TTBK2: variants seen among roughly 807,000 people sequenced by gnomAD.
TTBK2 encodes tau-tubulin kinase 2.
Under a neutral mutation model 110.8 loss-of-function variants are expected in TTBK2, and 28 were observed. The observed-to-expected ratio is 0.25, with a 90% CI of 0.19 to 0.35. TTBK2 has a LOEUF of 0.35. Ranked by LOEUF, TTBK2 falls within the 10% of genes least tolerant of loss-of-function variation. The pLI, the probability that TTBK2 is intolerant of heterozygous loss-of-function variation, is 1.00. For synonymous variants in TTBK2, 532 were observed against 527.3 expected (o/e 1.01, Z -0.12); for missense variants, 1,369 against 1,500.3 (o/e 0.91, Z 1.45).
chr15:42,815,419 TAAAGA>T (rs1356200043), intron 7 of TTBK2, among the ~76,000 whole-genome samples: 1 of 152,120 alleles, frequency 6.6e-6, no homozygotes, highest in Non-Finnish European at 1.5e-5. Flanking sequence ...AGGAACAAGG[TAAAGA>T]AAAGAATCAA....
chr15:42,875,632 C>G (rs148100429), intron 2 of TTBK2, among the ~76,000 whole-genome samples: 4 of 152,034 alleles, frequency 2.6e-5, no homozygotes, highest in African/African-American at 9.7e-5. Flanking sequence ...TCTGGCCAGG[C>G]ACAGTGGCTC....
chr15:42,774,826 C>G (rs1467449232), intron 13 of TTBK2, among the ~76,000 whole-genome samples: 1 of 152,196 alleles, frequency 6.6e-6, no homozygotes, highest in African/African-American at 2.4e-5. Context: ...TTGCTAGGAA[C>G]TTCAAAAAAT....
chr15:42,830,785 C>G (rs1177997715), intron 4 of TTBK2, among the ~76,000 whole-genome samples: 1 of 152,006 alleles, frequency 6.6e-6, no homozygotes, highest in Non-Finnish European at 1.5e-5. Context: ...GTGGGCGGAT[C>G]ATGAGGTCAG....
intron 9 of TTBK2, among the ~76,000 whole-genome samples, chr15:42,807,426 A>G (rs770634143): frequency 2.0e-5 from 3 of 151,572 alleles, no homozygotes; most frequent in Non-Finnish European, 4.4e-5. Context: ...TATTATTATT[A>G]TTTTTGAGAT....
At chr15:42,879,321 T>A (rs1039036417) in intron 1 of TTBK2, among the ~76,000 whole-genome samples, 1 of 152,154 alleles carries the variant, frequency 6.6e-6, no homozygotes, top group Non-Finnish European at 1.5e-5. Context: ...GATACATTGT[T>A]TAGTGAAAAA....
intron 5 of TTBK2, 85 bp downstream of exon 5, chr15:42,829,853 A>T: frequency 1.3e-6 from 2 of 1,566,274 alleles, no homozygotes; most frequent in African/African-American, 2.7e-5. Flanking sequence ...CAAATACACA[A>T]AGCTACATTT....
intron 4 of TTBK2, among the ~76,000 whole-genome samples, chr15:42,839,735 T>A: frequency 6.6e-6 from 1 of 152,186 alleles, no homozygotes; most frequent in African/African-American, 2.4e-5. Context: ...TTTTTGGCCA[T>A]ATATATGTCT....
chr15:42,913,152 A>AGT (rs2030882139), intron 1 of TTBK2, among the ~76,000 whole-genome samples: 1 of 151,266 alleles, frequency 6.6e-6, no homozygotes, highest in Non-Finnish European at 1.5e-5. Context: ...AAAAAAAAAA[A>AGT]AAAGAGCTCC....
At chr15:42,836,973 G>A (rs1185379332) in intron 4 of TTBK2, among the ~76,000 whole-genome samples, 3 of 152,064 alleles carry the variant, frequency 2.0e-5, no homozygotes, top group African/African-American at 4.8e-5. Flanking sequence ...CAAATAAGAT[G>A]ATAAATCCAG....
chr15:42,868,009 T>G (rs771368105), intron 3 of TTBK2, among the ~76,000 whole-genome samples: 1 of 152,192 alleles, frequency 6.6e-6, no homozygotes, highest in East Asian at 1.9e-4. Flanking sequence ...GAAACTTAAG[T>G]GCATATTACT....
chr15:42,826,026 A>G (rs1892522621), intron 6 of TTBK2, among the ~76,000 whole-genome samples: 1 of 152,128 alleles, frequency 6.6e-6, no homozygotes, highest in African/African-American at 2.4e-5. Context: ...ATATATATAT[A>G]TATAGCAAGA....
At chr15:42,836,914 A>G (rs1418692533) in intron 4 of TTBK2, among the ~76,000 whole-genome samples, 1 of 152,166 alleles carries the variant, frequency 6.6e-6, no homozygotes, top group East Asian at 1.9e-4. Flanking sequence ...CCATGTACAA[A>G]AGAGGGATAA....
At chr15:42,909,135 T>C (rs773387229) in intron 1 of TTBK2, among the ~76,000 whole-genome samples, 3 of 152,244 alleles carry the variant, frequency 2.0e-5, no homozygotes, top group Non-Finnish European at 4.4e-5. Context: ...TGCTTTGTTT[T>C]GTTTTTTAAG....
intron 1 of TTBK2, among the ~76,000 whole-genome samples, chr15:42,884,042 C>T (rs980796385): frequency 1.3e-5 from 2 of 151,940 alleles, no homozygotes; most frequent in African/African-American, 4.8e-5. Context: ...AGATACAGAA[C>T]CATGGAAGAG....
At position 42,788,243 on chromosome 15, in the gene TTBK2, G is replaced by C. The variant is rs577982283; in HGVS notation, c.981-4608C>G. Among the ~76,000 whole-genome samples, 109 of 152,194 alleles carry C rather than the reference G, an allele frequency of 7.2e-4. 2 individuals carry two copies. In the South Asian group the frequency reaches 0.023, roughly 32 times the overall value. On this transcript the variant is annotated intron_variant, in intron 10 of 14. Coordinates refer to ENST00000267890, the MANE Select transcript of TTBK2 (RefSeq NM_173500.4). The stretch of plus-strand genomic sequence containing the variant: ...TTTGTTGGTAATTTCTAGTTTTCTT[G>C]CAGTGTGATCAGATAATGTAATACT...
intron 3 of TTBK2, 24 bp downstream of exon 3, chr15:42,872,587 T>C (rs1265464278): frequency 4.3e-6 from 7 of 1,612,026 alleles, no homozygotes; most frequent in Non-Finnish European, 5.1e-6. Flanking sequence ...AAATCATAAA[T>C]TGTATATTCT....
In TTBK2 at chr15:42,740,397, G is replaced by A. The variant is rs905131318; in HGVS notation, c.*5398C>T. ...TCTTGAGATTGTGTGGAAATTCAAG[G>A]TGACCTGATCTTGTCACATACTTTA... On this transcript the variant is annotated 3_prime_UTR_variant, in exon 15 of 15. Coordinates refer to ENST00000267890, the MANE Select transcript of TTBK2 (RefSeq NM_173500.4). 1 of 152,148 alleles carries A rather than the reference G, an allele frequency of 6.6e-6. No homozygotes were observed. The highest frequency in any genetic ancestry group is 1.5e-5 in the Non-Finnish European group (1 of 68,032). The allele number at this position is 152,148 out of a possible 1,614,324, so 9.4% of individuals were successfully genotyped here.
chr15:42,865,738 A>G (rs545460080), intron 3 of TTBK2, among the ~76,000 whole-genome samples: 1 of 152,260 alleles, frequency 6.6e-6, no homozygotes, highest in East Asian at 1.9e-4. Context: ...CAAGAGGATC[A>G]CTTGAGCCCA....
chr15:42,858,887 G>T (rs889047781), intron 3 of TTBK2, among the ~76,000 whole-genome samples: 1 of 152,170 alleles, frequency 6.6e-6, no homozygotes, highest in Non-Finnish European at 1.5e-5. Flanking sequence ...TCATGCTTTT[G>T]TGAGTTTTAT....
Sources: gnomAD v4.1 joint callset for allele counts (sites outside exome capture counted in the v4.1 genomes callset) on GRCh38, gnomAD v4.1.1 for gene constraint, MANE v1.5 for transcripts, NCBI Gene and HGNC (gene_info 2026-07-23, HGNC 2026-07-21) for gene names.